Variants in CNTN3 observed in about 807,000 individuals in gnomAD.
CNTN3 encodes contactin 3.
CNTN3 carries 60 observed loss-of-function variants against 119.1 expected under a neutral mutation model. That is an observed-to-expected ratio of 0.50 (90% CI 0.41 to 0.62). The LOEUF (loss-of-function observed/expected upper bound fraction) is 0.62. Among genes scored for constraint, CNTN3 ranks in the 20% least tolerant of loss-of-function variants. CNTN3 has a pLI of 0.00. For missense variants in CNTN3, 1,101 were observed against 1,242.4 expected (o/e 0.89, Z 1.71); for synonymous variants, 450 against 438.7 (o/e 1.03, Z -0.32).
intron 1 of CNTN3, among the ~76,000 whole-genome samples, chr3:74,522,860 G>A (rs1357421725): frequency 6.6e-6 from 1 of 151,836 alleles, no homozygotes; most frequent in Admixed American, 6.6e-5. Context: ...GCAAGAGGAT[G>A]AGTAGGGCAC....
At chr3:74,304,526 T>G (rs1295278530) in intron 13 of CNTN3, among the ~76,000 whole-genome samples, 1 of 152,194 alleles carries the variant, frequency 6.6e-6, no homozygotes, top group African/African-American at 2.4e-5. Flanking sequence ...TTTATTTGCT[T>G]ATTTTGAAGG....
intron 4 of CNTN3, among the ~76,000 whole-genome samples, chr3:74,477,840 TAAAAATTTAA>T (rs1448682593): frequency 2.0e-5 from 3 of 151,524 alleles, no homozygotes; most frequent in Admixed American, 6.6e-5. Context: ...CCACAACAAT[TAAAAATTTAA>T]AAAAATTAAA....
chr3:74,508,341 C>T (rs6549615), intron 2 of CNTN3, among the ~76,000 whole-genome samples: 148,994 of 152,242 alleles, frequency 0.98, 72,996 homozygotes, highest in East Asian at 1. Flanking sequence ...TAGGCCTCTT[C>T]TCTTTATAAA....
At chr3:74,468,373 T>G (rs1384635807) in intron 4 of CNTN3, among the ~76,000 whole-genome samples, 2 of 152,168 alleles carry the variant, frequency 1.3e-5, no homozygotes, top group South Asian at 4.1e-4. Context: ...ATCTAGATTT[T>G]TTTTAAATGA....
In CNTN3 at chr3:74,513,437, C is replaced by A. The variant is rs980793043; in HGVS notation, c.55+7621G>T. On this transcript the variant is annotated intron_variant, in intron 2 of 22. Coordinates refer to ENST00000263665, the MANE Select transcript of CNTN3 (RefSeq NM_020872.3). ...TTAGAATAAACAATGAGTAACTAAC[C>A]AGAGCCATTTATAAAATGGCAGCCT... Among the ~76,000 whole-genome samples, 55 of 152,164 alleles carry A rather than the reference C, an allele frequency of 3.6e-4. 1 individual carries two copies. The highest frequency in any genetic ancestry group is 1.2e-3 in the African/African-American group (49 of 41,510).
chr3:74,300,617 A>G (rs1291987314), intron 16 of CNTN3, among the ~76,000 whole-genome samples: 2 of 152,212 alleles, frequency 1.3e-5, no homozygotes, highest in Non-Finnish European at 1.5e-5. Context: ...CATATTTCCT[A>G]GCATAAACAT....
chr3:74,393,122 C>T (rs1704957172), intron 5 of CNTN3, among the ~76,000 whole-genome samples: 1 of 152,182 alleles, frequency 6.6e-6, no homozygotes, highest in Non-Finnish European at 1.5e-5. Context: ...TATCTTCTAT[C>T]CCAGTAATGG....
intron 5 of CNTN3, among the ~76,000 whole-genome samples, chr3:74,421,971 A>C (rs4677394): frequency 1.3e-5 from 2 of 152,170 alleles, no homozygotes; most frequent in East Asian, 1.9e-4. Context: ...GGCTGTTAAA[A>C]GCTTATATCT....
intron 3 of CNTN3, among the ~76,000 whole-genome samples, chr3:74,488,898 A>G (rs1289965696): frequency 2.0e-5 from 3 of 152,326 alleles, no homozygotes; most frequent in East Asian, 3.9e-4. Flanking sequence ...TTTGCAAAGT[A>G]AACTCTCTTA....
At chr3:74,444,446 G>C (rs1702017045) in intron 4 of CNTN3, among the ~76,000 whole-genome samples, 1 of 152,140 alleles carries the variant, frequency 6.6e-6, no homozygotes, top group Non-Finnish European at 1.5e-5. Context: ...CTGAGCAGTA[G>C]ATATTTTCCA....
chr3:74,336,678 G>C lies in CNTN3; in HGVS notation c.1365-20C>G. On this transcript the variant is annotated intron_variant, in intron 11 of 22. Transcript: ENST00000263665. ...GAAATTCTAAAGCAAAGACAAATAA[G>C]ATAAATAAATATATAATAGCCATTT... The C allele has an allele frequency of 1.9e-6, 3 of 1,571,352 alleles. No individual in the cohort carries two copies. The highest frequency in any genetic ancestry group is 2.6e-6 in the Non-Finnish European group (3 of 1,153,372).
At chr3:74,408,283 T>C (rs1233346813) in intron 5 of CNTN3, among the ~76,000 whole-genome samples, 2 of 152,136 alleles carry the variant, frequency 1.3e-5, no homozygotes, top group East Asian at 3.8e-4. Context: ...CTAACTAATG[T>C]TTAAAAAAAA....
At chr3:74,440,483 C>CAAA (rs57947790) in intron 4 of CNTN3, among the ~76,000 whole-genome samples, 60 of 141,880 alleles carry the variant, frequency 4.2e-4, no homozygotes, top group African/African-American at 1.2e-3. Context: ...AAGCAAATAG[C>CAAA]AAAAAAAAAA....
At chr3:74,344,767 A>C (rs1476201219) in intron 11 of CNTN3, among the ~76,000 whole-genome samples, 1 of 152,072 alleles carries the variant, frequency 6.6e-6, no homozygotes. Context: ...GCCATTACGC[A>C]GTGTTTTTAA....
At chr3:74,287,748 G>C (rs2106787436) in intron 19 of CNTN3, among the ~76,000 whole-genome samples, 1 of 152,234 alleles carries the variant, frequency 6.6e-6, no homozygotes, top group East Asian at 1.9e-4. Context: ...GGTGATGGGA[G>C]GGTGGAAGGA....
intron 5 of CNTN3, among the ~76,000 whole-genome samples, chr3:74,409,804 A>C (rs1701408162): frequency 6.6e-6 from 1 of 152,168 alleles, no homozygotes; most frequent in African/African-American, 2.4e-5. Context: ...TGGAATATCC[A>C]TTCAATTTGG....
rs762995567 is a variant in CNTN3 at position 74,301,666 on chromosome 3, A to G, written c.1926T>C (p.Gly642=). 1 of 1,613,906 alleles carries G rather than the reference A, an allele frequency of 6.2e-7. No individual in the cohort carries two copies. The highest frequency in any genetic ancestry group is 8.5e-7 in the Non-Finnish European group (1 of 1,179,952). ...SIQARTPFSV[G]WQTVTTVPEV... ...CTTTACCTGTTGTGACGGTTTGCCA[A>G]CCCACGGAGAAAGGTGTCCGAGCCT... Residue 642 remains glycine, a synonymous_variant, in exon 15 of 23, where the codon GGT becomes GGC. Coordinates refer to ENST00000263665, the MANE Select transcript of CNTN3 (RefSeq NM_020872.3).
chr3:74,383,019 T>C (rs1048598817), intron 5 of CNTN3, among the ~76,000 whole-genome samples: 2 of 152,194 alleles, frequency 1.3e-5, no homozygotes, highest in Non-Finnish European at 2.9e-5. Context: ...AATTAAAGAT[T>C]TACCCCTGAA....
At chr3:74,471,843 T>C (rs986814327) in intron 4 of CNTN3, among the ~76,000 whole-genome samples, 1 of 152,214 alleles carries the variant, frequency 6.6e-6, no homozygotes, top group African/African-American at 2.4e-5. Context: ...AGTTTGTATG[T>C]ATTTGTGCAT....
Sources: gnomAD v4.1 joint callset for allele counts (sites outside exome capture counted in the v4.1 genomes callset) on GRCh38, gnomAD v4.1.1 for gene constraint, MANE v1.5 for transcripts, NCBI Gene and HGNC (gene_info 2026-07-23, HGNC 2026-07-21) for gene names.